Variants in DDX31 observed in about 807,000 individuals in gnomAD.
DDX31 encodes DEAD-box helicase 31, also known as ATP-dependent DNA helicase DDX31.
A neutral mutation model predicts 91.3 loss-of-function variants in DDX31; 70 were observed. That is an observed-to-expected ratio of 0.77 (90% CI 0.63 to 0.94). The LOEUF (loss-of-function observed/expected upper bound fraction) is 0.94. DDX31 is among the 40% of genes least tolerant of loss of function. The pLI is 0.00. For missense variants in DDX31, 902 were observed against 925.0 expected (o/e 0.98, Z 0.32); for synonymous variants, 362 against 350.6 (o/e 1.03, Z -0.36).
intron 17 of DDX31, among the ~76,000 whole-genome samples, chr9:132,624,123 C>T (rs1564296466): frequency 1.4e-5 from 2 of 138,096 alleles, no homozygotes; most frequent in South Asian, 4.7e-4. Context: ...GCCAAGATCG[C>T]GCCATTGCAC....
chr9:132,645,533 T>C (rs1363424641), intron 13 of DDX31, among the ~76,000 whole-genome samples: 1 of 152,146 alleles, frequency 6.6e-6, no homozygotes, highest in Non-Finnish European at 1.5e-5. Flanking sequence ...CACTGGGTAC[T>C]AAAAAGGCAA....
At chr9:132,639,624 T>G (rs143770398) in intron 14 of DDX31, among the ~76,000 whole-genome samples, 1 of 152,340 alleles carries the variant, frequency 6.6e-6, no homozygotes, top group East Asian at 1.9e-4. Context: ...CTGAGAATTA[T>G]ATTAACTATT....
At chr9:132,629,482 C>T (rs1832596151) in intron 16 of DDX31, among the ~76,000 whole-genome samples, 1 of 152,242 alleles carries the variant, frequency 6.6e-6, no homozygotes, top group African/African-American at 2.4e-5. Flanking sequence ...GGGACAGCCA[C>T]ACACGGCTCC....
intron 9 of DDX31, 70 bp from the exon 10 acceptor site, chr9:132,648,621 A>G: frequency 6.5e-7 from 1 of 1,529,384 alleles, no homozygotes; most frequent in East Asian, 2.3e-5. Flanking sequence ...ACACAGGAAA[A>G]AGGCAAAATA....
chr9:132,664,515 C>G (rs1469376059), intron 1 of DDX31, among the ~76,000 whole-genome samples: 1 of 151,984 alleles, frequency 6.6e-6, no homozygotes, highest in Non-Finnish European at 1.5e-5. Flanking sequence ...TCGAGACCAG[C>G]CTGGGCAATA....
chr9:132,658,254 A>C lies in DDX31; in HGVS notation c.588+417T>G, dbSNP rs770934006. Reference sequence around the variant, plus strand: ...GAGCTTGGTCTCTGCAGCCAAACAGAACTGAGGTAGAAATCCAGTTCCTCC... The same window carrying C: ...GAGCTTGGTCTCTGCAGCCAAACAGCACTGAGGTAGAAATCCAGTTCCTCC... On this transcript the variant is annotated intron_variant, in intron 6 of 19. Coordinates refer to ENST00000372159, the MANE Select transcript of DDX31 (RefSeq NM_022779.9). The C allele has an allele frequency of 1.4e-4, 101 of 702,740 alleles. 3 individuals are homozygous for C. The South Asian group carries it at 1.5e-3, about 10-fold the overall frequency. 43.5% of individuals were successfully genotyped at this position (702,740 alleles called of 1,614,324 possible).
chr9:132,620,862 C>T (rs947021641), intron 17 of DDX31, among the ~76,000 whole-genome samples: 3 of 152,156 alleles, frequency 2.0e-5, no homozygotes, highest in Non-Finnish European at 4.4e-5. Flanking sequence ...AGAGTCAGTA[C>T]TGGTTAATGA....
At chr9:132,659,340 T>C (rs534352436) in intron 5 of DDX31, among the ~76,000 whole-genome samples, 9 of 152,326 alleles carry the variant, frequency 5.9e-5, no homozygotes, top group South Asian at 4.1e-4. Context: ...CGAGCACAAC[T>C]GGCATCTGAT....
At chr9:132,607,970 A>G (rs1170572554) in intron 19 of DDX31, among the ~76,000 whole-genome samples, 1 of 152,204 alleles carries the variant, frequency 6.6e-6, no homozygotes, top group Non-Finnish European at 1.5e-5. Flanking sequence ...GACGACCTAG[A>G]CAGATAGACA....
Position 132,662,547 on chromosome 9 carries a change from G to A in DDX31, c.224C>T (p.Ser75Phe), listed in dbSNP as rs1835038035. Residue 75 changes from serine to phenylalanine, a missense_variant, in exon 2 of 20, where the codon TCT (serine) becomes TTT (phenylalanine). Physicochemically the swap from Ser to Phe is radical, Grantham distance 155. Transcript: ENST00000372159. The part of the protein sequence containing the change: ...TFKGNAQKMF[S>F]PKKHSVSTSD... ...TGTGCTAACCGAATGCTTCTTTGGA[G>A]AAAACATTTTTTGTGCGTTCCCCTT... The A allele has an allele frequency of 1.2e-6, 2 of 1,614,080 alleles. No individual in the cohort carries two copies. The highest frequency in any genetic ancestry group is 2.7e-5 in the African/African-American group (2 of 74,934).
At position 132,604,790 on chromosome 9, in the gene DDX31, C is replaced by T. The variant is rs2119229509; in HGVS notation, c.1994+7297G>A. 2.0e-5 allele frequency among the ~76,000 whole-genome samples: 3 copies of T among 152,294 alleles called. No homozygotes were observed. In the East Asian group the frequency reaches 5.8e-4, roughly 29 times the overall value. ...ACTTCTGGTGGTCCTAACTGTTTTGCTCTGGTCTTCCAGCAAGGCCTAGCA... is the reference window on the plus strand; with the variant it reads ...ACTTCTGGTGGTCCTAACTGTTTTGTTCTGGTCTTCCAGCAAGGCCTAGCA... On this transcript the variant is annotated intron_variant, in intron 19 of 19. Coordinates refer to ENST00000372159, the MANE Select transcript of DDX31 (RefSeq NM_022779.9).
intron 18 of DDX31, among the ~76,000 whole-genome samples, chr9:132,616,524 TG>T (rs1831635912): frequency 1.3e-5 from 2 of 152,174 alleles, no homozygotes; most frequent in Admixed American, 1.3e-4. Flanking sequence ...GGTGACAGTG[TG>T]GGTTTGATTT....
chr9:132,629,903 A>T (rs953432608), intron 16 of DDX31, among the ~76,000 whole-genome samples: 1 of 152,226 alleles, frequency 6.6e-6, no homozygotes, highest in Non-Finnish European at 1.5e-5. Context: ...TTAAAAGACA[A>T]ATCAACTTTG....
intron 9 of DDX31, among the ~76,000 whole-genome samples, chr9:132,649,776 G>T (rs931623823): frequency 6.6e-6 from 1 of 152,164 alleles, no homozygotes; most frequent in East Asian, 1.9e-4. Context: ...TTGTTGCAAC[G>T]ATTTTCAACT....
At chr9:132,611,228 G>C (rs992562550) in intron 19 of DDX31, among the ~76,000 whole-genome samples, 1 of 152,170 alleles carries the variant, frequency 6.6e-6, no homozygotes, top group Non-Finnish European at 1.5e-5. Context: ...AACGTTCTGG[G>C]ATTGAACCCA....
intron 14 of DDX31, among the ~76,000 whole-genome samples, chr9:132,635,977 C>A (rs1170805281): frequency 1.3e-5 from 2 of 152,018 alleles, no homozygotes; most frequent in Non-Finnish European, 2.9e-5. Flanking sequence ...AGAAAAGAAA[C>A]ACACTCCTGC....
chr9:132,638,117 G>C (rs1386050851), intron 14 of DDX31: 1 of 1,376,604 alleles, frequency 7.3e-7, no homozygotes, highest in Non-Finnish European at 9.4e-7. Flanking sequence ...AGGATGCCAA[G>C]GGACAGTTGG....
Position 132,612,154 on chromosome 9 carries a change from C to T in DDX31, c.1927G>A (p.Gly643Arg), listed in dbSNP as rs757979307. 2.4e-5 allele frequency: 38 copies of T among 1,614,020 alleles called. No homozygotes were observed. The highest frequency in any genetic ancestry group is 2.2e-4 in the South Asian group (20 of 91,082). The stretch of plus-strand genomic sequence containing the variant: ...AGATTCCTGGGGGCATCTCTTAGTC[C>T]GAAGCTCTTCGCCACATGCCCAAGG... ...LHLGHVAKSF[G>R]LRDAPRNLSA... The change falls in exon 19 of 20, where the codon GGA becomes AGA. Residue 643 changes from glycine to arginine, a missense_variant. By Grantham distance (125) the Gly-to-Arg change is moderately radical (BLOSUM62 -2). Coordinates refer to ENST00000372159, the MANE Select transcript of DDX31 (RefSeq NM_022779.9).
chr9:132,616,822 A>AC (rs1831667315), intron 18 of DDX31, among the ~76,000 whole-genome samples: 1 of 152,154 alleles, frequency 6.6e-6, no homozygotes, highest in African/African-American at 2.4e-5. Context: ...AATTACGGGG[A>AC]CTTCATCTTT....
Sources: allele counts gnomAD v4.1 joint callset (sites outside exome capture counted in the v4.1 genomes callset), GRCh38; gene constraint gnomAD v4.1.1; transcripts MANE v1.5; gene names NCBI Gene and HGNC (gene_info 2026-07-23, HGNC 2026-07-21).